The following WNT7A variants were observed in gnomAD, a reference collection of about 807,000 sequenced individuals.
The protein encoded by WNT7A is Wnt family member 7A, also known as protein Wnt-7a.
A neutral mutation model predicts 28.2 loss-of-function variants in WNT7A; 16 were observed. That is an observed-to-expected ratio of 0.57 (90% CI 0.38 to 0.86). WNT7A has a LOEUF of 0.86. Ranked by LOEUF, WNT7A falls within the 40% of genes least tolerant of loss-of-function variation. The pLI is 0.00. For missense variants in WNT7A, 411 were observed against 489.7 expected, an observed-to-expected ratio of 0.84 and a Z score of 1.52; for synonymous variants, 190 against 195.9, an observed-to-expected ratio of 0.97 and a Z score of 0.25.
chr3:13,840,021 C>T (rs1694431192), intron 3 of WNT7A, among the ~76,000 whole-genome samples: 1 of 152,208 alleles, frequency 6.6e-6, no homozygotes, highest in African/African-American at 2.4e-5. Flanking sequence ...CCTTCTCTCA[C>T]AGGGAAGCAG....
At chr3:13,836,235 T>C (rs544453259) in intron 3 of WNT7A, among the ~76,000 whole-genome samples, 18 of 150,486 alleles carry the variant, frequency 1.2e-4, no homozygotes, top group African/African-American at 4.4e-4. Flanking sequence ...AGAGACCCCA[T>C]TGGGCCAGTG....
chr3:13,830,901 G>A (rs553216030), intron 3 of WNT7A, among the ~76,000 whole-genome samples: 12 of 152,216 alleles, frequency 7.9e-5, no homozygotes, highest in African/African-American at 2.6e-4. Flanking sequence ...GGGCACACTG[G>A]GTAAGTGAGT....
At position 13,879,865 on chromosome 3, in the gene WNT7A, G is replaced by A; in HGVS notation, c.-49C>T. On this transcript the variant is annotated 5_prime_UTR_variant, in exon 1 of 4. Coordinates refer to ENST00000285018, the MANE Select transcript of WNT7A (RefSeq NM_004625.4). ...GCGGGCCGGGCTGTGCTGATCCCGCGGGCCGGCCCCGGCGGGGCAATCAAC... is the reference window on the plus strand; with the variant it reads ...GCGGGCCGGGCTGTGCTGATCCCGCAGGCCGGCCCCGGCGGGGCAATCAAC... 2.0e-6 allele frequency: 3 copies of A among 1,498,676 alleles called. No individual in the cohort carries two copies. Among genetic ancestry groups the A allele is most frequent in the Non-Finnish European group, 2.7e-6 (3 of 1,117,950 alleles). 92.8% of individuals were successfully genotyped at this position (1,498,676 alleles called of 1,614,324 possible).
chr3:13,843,793 C>T (rs984160877), intron 3 of WNT7A, among the ~76,000 whole-genome samples: 3 of 151,262 alleles, frequency 2.0e-5, no homozygotes, highest in African/African-American at 7.3e-5. Flanking sequence ...GTCTCCCAGG[C>T]TGGAGTGCAG....
At chr3:13,834,879 A>G (rs1281093347) in intron 3 of WNT7A, among the ~76,000 whole-genome samples, 1 of 152,222 alleles carries the variant, frequency 6.6e-6, no homozygotes, top group Non-Finnish European at 1.5e-5. Context: ...CCCAGGGGCA[A>G]GGACCCGGTC....
chr3:13,839,152 T>C (rs1365886173), intron 3 of WNT7A, among the ~76,000 whole-genome samples: 1 of 152,242 alleles, frequency 6.6e-6, no homozygotes, highest in Non-Finnish European at 1.5e-5. Context: ...TACTGGACAG[T>C]GCTGGTTGAA....
intron 2 of WNT7A, among the ~76,000 whole-genome samples, chr3:13,860,215 A>G (rs1694806269): frequency 6.6e-6 from 1 of 152,138 alleles, no homozygotes; most frequent in South Asian, 2.1e-4. Flanking sequence ...GAGGAAATGG[A>G]GGCTCTGAGT....
chr3:13,863,447 T>C (rs1336027007), intron 2 of WNT7A, among the ~76,000 whole-genome samples: 1 of 152,194 alleles, frequency 6.6e-6, no homozygotes, highest in Non-Finnish European at 1.5e-5. Context: ...TGTATATGTG[T>C]GTGTGTGTCT....
chr3:13,860,209 A>G (rs952232700), intron 2 of WNT7A, among the ~76,000 whole-genome samples: 3 of 152,130 alleles, frequency 2.0e-5, no homozygotes, highest in African/African-American at 4.8e-5. Context: ...ACAGTTGAGG[A>G]AATGGAGGCT....
chr3:13,870,141 C>A (rs1695008550), intron 2 of WNT7A, among the ~76,000 whole-genome samples: 1 of 152,194 alleles, frequency 6.6e-6, no homozygotes, highest in Admixed American at 6.5e-5. Flanking sequence ...AACCATGCTG[C>A]ACTCTGGCCA....
At chr3:13,866,031 G>C (rs1694905166) in intron 2 of WNT7A, among the ~76,000 whole-genome samples, 1 of 152,192 alleles carries the variant, frequency 6.6e-6, no homozygotes, top group Non-Finnish European at 1.5e-5. Flanking sequence ...GGTGGCCTTT[G>C]AGTGGAGACC....
intron 3 of WNT7A, among the ~76,000 whole-genome samples, chr3:13,820,405 G>GAAA (rs36001991): frequency 7.0e-6 from 1 of 143,350 alleles, no homozygotes. Flanking sequence ...CCTTTTTACA[G>GAAA]AAAAAAAAAA....
intron 3 of WNT7A, among the ~76,000 whole-genome samples, chr3:13,826,132 G>A (rs1694190710): frequency 1.3e-5 from 2 of 152,190 alleles, no homozygotes; most frequent in South Asian, 2.1e-4. Context: ...CACCCCTGCT[G>A]GGGAGTTCCC....
intron 1 of WNT7A, chr3:13,876,974 T>C (rs936591360): frequency 1.3e-5 from 2 of 152,234 alleles, no homozygotes; most frequent in African/African-American, 4.8e-5. Context: ...GCTCACTTGA[T>C]CACTTGTCTT....
chr3:13,872,316 T>C (rs1264080274), intron 2 of WNT7A, among the ~76,000 whole-genome samples: 1 of 152,210 alleles, frequency 6.6e-6, no homozygotes, highest in Non-Finnish European at 1.5e-5. Context: ...GAGTCCTGAA[T>C]GCAAGTCAAT....
At chr3:13,822,362 A>G (rs191493780) in intron 3 of WNT7A, among the ~76,000 whole-genome samples, 60 of 152,396 alleles carry the variant, frequency 3.9e-4, no homozygotes, top group African/African-American at 1.4e-3. Flanking sequence ...AATGAGGTAT[A>G]CAGTGGAATG....
At chr3:13,835,000 A>G (rs928769061) in intron 3 of WNT7A, among the ~76,000 whole-genome samples, 1 of 152,210 alleles carries the variant, frequency 6.6e-6, no homozygotes, top group Non-Finnish European at 1.5e-5. Context: ...GACTGGAGTG[A>G]TCAGGTAAGG....
Position 13,818,417 on chromosome 3 carries a change from T to G in WNT7A, c.*527A>C, listed in dbSNP as rs1426637280. On this transcript the variant is annotated 3_prime_UTR_variant, in exon 4 of 4. Coordinates refer to ENST00000285018, the MANE Select transcript of WNT7A (RefSeq NM_004625.4). The stretch of plus-strand genomic sequence containing the variant: ...GCATAAAAGATGTCTCCTCTTGTAC[T>G]TAAACATCTAGTGCTGCAAGGTGGG... 2.1e-5 allele frequency: 3 copies of G among 144,526 alleles called. No individual in the cohort carries two copies. The highest frequency in any genetic ancestry group is 7.9e-5 in the African/African-American group (3 of 38,094). The allele number at this position is 144,526 out of a possible 1,614,324, so 9.0% of individuals were successfully genotyped here. A position where few individuals can be genotyped will look rare whatever the true frequency, so the allele number is the denominator to read the frequency against.
At chr3:13,841,327 C>G (rs1447833718) in intron 3 of WNT7A, among the ~76,000 whole-genome samples, 1 of 152,206 alleles carries the variant, frequency 6.6e-6, no homozygotes, top group Non-Finnish European at 1.5e-5. Context: ...AGAAGACACT[C>G]TATAAATTCT....
Sources: allele counts gnomAD v4.1 joint callset (sites outside exome capture counted in the v4.1 genomes callset), GRCh38; gene constraint gnomAD v4.1.1; transcripts MANE v1.5; gene names NCBI Gene and HGNC (gene_info 2026-07-23, HGNC 2026-07-21).